Variants in ARID1B observed in about 807,000 individuals in gnomAD.
ARID1B encodes AT-rich interactive domain-containing protein 1B.
In ARID1B, 30 loss-of-function variants were observed where a neutral mutation model predicts 212.3. The observed-to-expected ratio is 0.14, with a 90% confidence interval of 0.11 to 0.19. The LOEUF is 0.19. Among genes scored for constraint, ARID1B ranks in the 10% least tolerant of loss-of-function variants. The pLI, the probability that ARID1B is intolerant of heterozygous loss-of-function variation, is 1.00. For missense variants in ARID1B, 2,891 were observed against 3,204.0 expected (o/e 0.90, Z 2.36); for synonymous variants, 1,402 against 1,301.7 (o/e 1.08, Z -1.66).
intron 2 of ARID1B, among the ~76,000 whole-genome samples, chr6:156,853,522 C>CT (rs34121010): frequency 1.2e-4 from 18 of 151,938 alleles, no homozygotes; most frequent in Admixed American, 1.2e-3. Flanking sequence ...CCCACGTGTG[C>CT]TTTTTGTGGT....
intron 1 of ARID1B, among the ~76,000 whole-genome samples, chr6:156,803,700 A>T (rs1780951472): frequency 7.1e-6 from 1 of 140,104 alleles, no homozygotes; most frequent in Non-Finnish European, 1.5e-5. Flanking sequence ...GCCCACATTG[A>T]GTGGGTTAGT....
chr6:157,115,507 A>C (rs1787264085), intron 6 of ARID1B, among the ~76,000 whole-genome samples: 1 of 152,124 alleles, frequency 6.6e-6, no homozygotes, highest in African/African-American at 2.4e-5. Flanking sequence ...GCTCACTGTG[A>C]GCTCCGCCTT....
chr6:156,895,345 T>C (rs566681967), intron 2 of ARID1B, among the ~76,000 whole-genome samples: 1 of 152,304 alleles, frequency 6.6e-6, no homozygotes, highest in Admixed American at 6.5e-5. Context: ...TAATGAAGGC[T>C]TCCTCCTAGT....
intron 1 of ARID1B, among the ~76,000 whole-genome samples, chr6:156,812,771 G>T (rs191260049): frequency 6.6e-6 from 1 of 151,388 alleles, no homozygotes; most frequent in South Asian, 2.1e-4. Context: ...CAAAAGACCA[G>T]GCCCGCAGCC....
At chr6:157,133,336 G>C in intron 7 of ARID1B, 129 bp downstream of exon 7, 1 of 1,099,082 alleles carries the variant, frequency 9.1e-7, no homozygotes, top group Non-Finnish European at 1.3e-6. Flanking sequence ...ACAGGTTTGT[G>C]AGGTTCATAC....
In ARID1B at chr6:157,133,115, C is replaced by T. The variant is rs1788666847; in HGVS notation, c.2669C>T (p.Pro890Leu). The change falls in exon 7 of 20, where the codon CCT becomes CTT. Residue 890 changes from proline to leucine, a missense_variant. Physicochemically the swap from Pro to Leu is moderately conservative, Grantham distance 98 (BLOSUM62 -3). Around this residue, in one of 7 missense-constraint regions of ARID1B, gnomAD observed 1,643 missense variants for 1,544.0 expected, o/e 1.06. Transcript: ENST00000636930. ...TGPSMSPHPS[P>L]GGQMHAGISS... ...CCATCCATGTCGCCTCATCCTTCTC[C>T]TGGGGGCCAGATGCATGCTGGAATC... 3 of 1,614,098 alleles carry T rather than the reference C, an allele frequency of 1.9e-6. No homozygotes were observed. The highest frequency in any genetic ancestry group is 1.7e-5 in the Admixed American group (1 of 59,996).
At chr6:157,008,973 C>T (rs181220322) in intron 4 of ARID1B, among the ~76,000 whole-genome samples, 25 of 152,296 alleles carry the variant, frequency 1.6e-4, no homozygotes, top group Admixed American at 3.3e-4. Flanking sequence ...CAGACAATCT[C>T]GAAGAAGGTC....
intron 1 of ARID1B, among the ~76,000 whole-genome samples, chr6:156,786,349 C>G (rs1171712076): frequency 6.6e-6 from 1 of 152,040 alleles, no homozygotes; most frequent in Non-Finnish European, 1.5e-5. Flanking sequence ...TTTTAGTCCT[C>G]TGCAAAACTT....
intron 16 of ARID1B, among the ~76,000 whole-genome samples, chr6:157,196,584 G>A (rs991308982): frequency 5.3e-5 from 8 of 152,140 alleles, no homozygotes; most frequent in East Asian, 3.9e-4. Flanking sequence ...CACAAGTCAC[G>A]CTGGCACCCG....
intron 2 of ARID1B, among the ~76,000 whole-genome samples, chr6:156,890,762 A>G (rs928298733): frequency 2.6e-5 from 4 of 152,218 alleles, no homozygotes; most frequent in African/African-American, 7.2e-5. Context: ...GAGAAGCCAG[A>G]TAGAATTGGA....
chr6:156,853,915 TG>T (rs1452765170), intron 2 of ARID1B, among the ~76,000 whole-genome samples: 1 of 152,098 alleles, frequency 6.6e-6, no homozygotes, highest in Admixed American at 6.5e-5. Context: ...TCATTTTTTG[TG>T]GAGATGGGGT....
intron 5 of ARID1B, among the ~76,000 whole-genome samples, chr6:157,086,135 C>T (rs1424182730): frequency 1.3e-5 from 2 of 152,218 alleles, no homozygotes; most frequent in African/African-American, 4.8e-5. Flanking sequence ...AGGATAGCGG[C>T]ATAAGCCAGA....
intron 2 of ARID1B, among the ~76,000 whole-genome samples, chr6:156,830,290 T>A (rs1361028589): frequency 6.6e-6 from 1 of 152,238 alleles, no homozygotes; most frequent in African/African-American, 2.4e-5. Context: ...CTGATGCTGC[T>A]GCACGTTTTA....
intron 4 of ARID1B, chr6:156,935,819 C>T: frequency 7.3e-6 from 3 of 410,394 alleles, no homozygotes; most frequent in Admixed American, 4.1e-5. Flanking sequence ...TTTTATGCGG[C>T]TGGTCGATTT....
chr6:156,919,379 T>G (rs1055338070), intron 3 of ARID1B, among the ~76,000 whole-genome samples: 4 of 152,184 alleles, frequency 2.6e-5, no homozygotes, highest in African/African-American at 4.8e-5. Context: ...AACATATATT[T>G]TAAGTTTTTT....
At chr6:157,177,176 G>A (rs1792152605) in intron 11 of ARID1B, among the ~76,000 whole-genome samples, 1 of 152,114 alleles carries the variant, frequency 6.6e-6, no homozygotes. Flanking sequence ...TTAAGAATTT[G>A]CAAGCAAACT....
chr6:157,051,894 A>G (rs1455344085), intron 4 of ARID1B, among the ~76,000 whole-genome samples: 1 of 152,192 alleles, frequency 6.6e-6, no homozygotes, highest in African/African-American at 2.4e-5. Context: ...ACCATATTTC[A>G]TAAAAGTATT....
At chr6:156,971,730 C>T (rs1459262625) in intron 4 of ARID1B, among the ~76,000 whole-genome samples, 2 of 152,152 alleles carry the variant, frequency 1.3e-5, no homozygotes, top group African/African-American at 4.8e-5. Flanking sequence ...TTCCTTGCAG[C>T]TGTGGAGCTC....
At chr6:156,935,661 A>G (rs1170635892) in intron 4 of ARID1B, 85 bp downstream of exon 4, 1 of 1,218,880 alleles carries the variant, frequency 8.2e-7, no homozygotes, top group Non-Finnish European at 1.2e-6. Flanking sequence ...TCTACTTTAT[A>G]TTATGACATG....
Sources: gnomAD v4.1 joint callset for allele counts (sites outside exome capture counted in the v4.1 genomes callset) on GRCh38, gnomAD v4.1.1 for gene constraint, gnomAD v4.1.1 regional missense constraint, MANE v1.5 for transcripts, NCBI Gene and HGNC (gene_info 2026-07-23, HGNC 2026-07-21) for gene names.